Variants in RECK observed in about 807,000 individuals in gnomAD.
RECK encodes reversion inducing cysteine rich protein with kazal motifs, also known as reversion-inducing cysteine-rich protein with Kazal motifs.
RECK carries 69 observed loss-of-function variants against 115.1 expected under a neutral mutation model. That is an observed-to-expected ratio of 0.60 (90% CI 0.49 to 0.73). The LOEUF (loss-of-function observed/expected upper bound fraction) is 0.73, where lower values mean the gene tolerates loss of function less well. Among genes scored for constraint, RECK ranks in the 30% least tolerant of loss-of-function variants. The pLI, the probability that RECK is intolerant of heterozygous loss-of-function variation, is 0.00. For missense variants in RECK, 1,047 were observed against 1,203.7 expected (o/e 0.87, Z 1.93); for synonymous variants, 414 against 419.7 (o/e 0.99, Z 0.17).
At chr9:36,046,986 A>G (rs1821092040) in intron 1 of RECK, among the ~76,000 whole-genome samples, 1 of 152,162 alleles carries the variant, frequency 6.6e-6, no homozygotes, top group Admixed American at 6.5e-5. Context: ...TGCTCCAAGA[A>G]ATTGTTTTTC....
chr9:36,046,557 A>T (rs1034861425), intron 1 of RECK, among the ~76,000 whole-genome samples: 14 of 152,236 alleles, frequency 9.2e-5, no homozygotes, highest in African/African-American at 3.1e-4. Context: ...CTGTTCGTGG[A>T]GAGTGGCAAT....
rs188334815 is a variant in RECK, at chr9:36,054,117, C to T, written c.159+1794C>T. On this transcript the variant is annotated intron_variant, in intron 2 of 20. Coordinates refer to ENST00000377966, the MANE Select transcript of RECK (RefSeq NM_021111.3). Reference sequence around the variant, plus strand: ...GAGAGAGACCAGGGCTGTTAAAACTCGTAGAGCTCACTTCAAAGAGAAGGA... The same window carrying T: ...GAGAGAGACCAGGGCTGTTAAAACTTGTAGAGCTCACTTCAAAGAGAAGGA... Among the ~76,000 whole-genome samples the T allele has an allele frequency of 3.3e-5, 5 of 152,218 alleles. No homozygotes were observed. In the East Asian group the frequency reaches 9.6e-4, roughly 29 times the overall value.
intron 8 of RECK, among the ~76,000 whole-genome samples, chr9:36,087,001 T>C (rs1011556442): frequency 6.6e-6 from 1 of 152,122 alleles, no homozygotes; most frequent in African/African-American, 2.4e-5. Flanking sequence ...AGTGGTGAAT[T>C]CTGGTAATAG....
chr9:36,091,104 C>A, intron 9 of RECK, 60 bp from the exon 10 acceptor site: 2 of 1,513,176 alleles, frequency 1.3e-6, no homozygotes, highest in Non-Finnish European at 1.8e-6. Flanking sequence ...TAGTTTTATG[C>A]AAATCAAATA....
rs1824538225 is a variant in RECK, at chr9:36,123,531, A to G, written c.*486A>G. The G allele has an allele frequency of 6.5e-6, 1 of 152,718 alleles. No individual in the cohort carries two copies. The highest frequency in any genetic ancestry group is 1.5e-5 in the Non-Finnish European group (1 of 68,402). 9.5% of individuals were successfully genotyped at this position (152,718 alleles called of 1,614,324 possible). A position where few individuals can be genotyped will look rare whatever the true frequency, so the allele number is the denominator to read the frequency against. On this transcript the variant is annotated 3_prime_UTR_variant, in exon 21 of 21. Transcript: ENST00000377966. ...TGAAGAGCCACTGCCATTAAAGAAT[A>G]TGAAACATAGATAAAACATCTTTGA...
intron 1 of RECK, among the ~76,000 whole-genome samples, chr9:36,039,786 A>G (rs894780717): frequency 6.6e-6 from 1 of 152,252 alleles, no homozygotes; most frequent in Non-Finnish European, 1.5e-5. Context: ...TTTAAGTTAG[A>G]AAAAGCAAAC....
intron 6 of RECK, among the ~76,000 whole-genome samples, chr9:36,071,304 A>G (rs889711619): frequency 3.3e-5 from 5 of 152,230 alleles, no homozygotes; most frequent in Admixed American, 6.5e-5. Flanking sequence ...GAATGTCACA[A>G]TAAGCTTCAT....
At chr9:36,055,536 G>A (rs1406259416) in intron 2 of RECK, among the ~76,000 whole-genome samples, 1 of 152,066 alleles carries the variant, frequency 6.6e-6, no homozygotes, top group African/African-American at 2.4e-5. Flanking sequence ...CTTGAAAAAG[G>A]TATTGTCATT....
chr9:36,112,159 G>A (rs1440861894), intron 15 of RECK, 146 bp from the exon 16 acceptor site: 7 of 555,772 alleles, frequency 1.3e-5, no homozygotes, highest in South Asian at 7.1e-5. Context: ...GTCAGAGATC[G>A]GAGAGAAGGT....
chr9:36,062,642 T>C (rs2132585716), intron 4 of RECK, among the ~76,000 whole-genome samples: 1 of 151,906 alleles, frequency 6.6e-6, no homozygotes, highest in Non-Finnish European at 1.5e-5. Context: ...CATGCCCAGC[T>C]AATTTTTGAA....
rs1823580835 is a variant in RECK, at chr9:36,101,980, A to G, written c.1299-114A>G. On this transcript the variant is annotated intron_variant, in intron 11 of 20. Transcript: ENST00000377966. Reference sequence around the variant, plus strand: ...CCTGTGACTCTTGTTCTCTTTTGAAACATGTTAAGTTATGAAAGCTTACTT... The same window carrying G: ...CCTGTGACTCTTGTTCTCTTTTGAAGCATGTTAAGTTATGAAAGCTTACTT... 4 of 1,003,768 alleles carry G rather than the reference A, an allele frequency of 4.0e-6. No homozygotes were observed. In the South Asian group the frequency reaches 5.1e-5, roughly 13 times the overall value. 62.2% of individuals were successfully genotyped at this position (1,003,768 alleles called of 1,614,324 possible).
intron 8 of RECK, among the ~76,000 whole-genome samples, chr9:36,086,591 C>T (rs927591649): frequency 1.3e-5 from 2 of 152,172 alleles, no homozygotes; most frequent in East Asian, 1.9e-4. Flanking sequence ...ACTGCTGGCT[C>T]GGGTGGCCAG....
chr9:36,071,987 G>T lies in RECK; in HGVS notation c.405+6363G>T, dbSNP rs560679434. ...GAATTATGTTTCCCACAGCCATCCA[G>T]TTCCTAAAGTTACTAGAGATATTTG... On this transcript the variant is annotated intron_variant, in intron 6 of 20. Transcript: ENST00000377966. 2.0e-5 allele frequency among the ~76,000 whole-genome samples: 3 copies of T among 152,142 alleles called. No homozygotes were observed. In the South Asian group the frequency reaches 6.2e-4, roughly 31 times the overall value.
chr9:36,040,144 G>A (rs1820821065), intron 1 of RECK, among the ~76,000 whole-genome samples: 1 of 152,192 alleles, frequency 6.6e-6, no homozygotes, highest in Admixed American at 6.6e-5. Context: ...GTGCAGAGCT[G>A]CTGCTCCAAG....
chr9:36,087,560 C>T, intron 8 of RECK, 134 bp from the exon 9 acceptor site: 2 of 848,472 alleles, frequency 2.4e-6, no homozygotes, highest in Non-Finnish European at 3.5e-6. Context: ...TTGATGGGTT[C>T]AGCAAACCAC....
intron 8 of RECK, chr9:36,085,092 A>G (rs2132628867): frequency 6.2e-6 from 1 of 161,644 alleles, no homozygotes; most frequent in African/African-American, 2.4e-5. Context: ...TAAGCAAAAA[A>G]AAAGTAAATC....
At chr9:36,066,930 T>C in intron 6 of RECK, 3 of 1,118,616 alleles carry the variant, frequency 2.7e-6, no homozygotes, top group South Asian at 2.6e-5. Flanking sequence ...TTTCCCAGTC[T>C]ATCTTCCCTA....
chr9:36,053,277 G>A (rs1201903721), intron 2 of RECK, among the ~76,000 whole-genome samples: 1 of 152,064 alleles, frequency 6.6e-6, no homozygotes, highest in Non-Finnish European at 1.5e-5. Context: ...TTTCTTTCAG[G>A]CTTGGTCATG....
At position 36,091,291 on chromosome 9, in the gene RECK, C is replaced by G; in HGVS notation, c.1033C>G (p.Pro345Ala). 1 of 1,605,826 alleles carries G rather than the reference C, an allele frequency of 6.2e-7. No individual in the cohort carries two copies. Among genetic ancestry groups the G allele is most frequent in the Non-Finnish European group, 8.5e-7 (1 of 1,177,014 alleles). The part of the protein sequence containing the change: ...MLTCLADVRE[P>A]CQLGCRNLTY... ...GACCTGTTTAGCGGATGTCCGGGAA[C>G]CTTGCCAGTTGGGCTGTAGAAACCT... Residue 345 changes from proline (P) to alanine (A), a missense_variant, in exon 10 of 21, where the codon CCT becomes GCT. Pro to Ala is a conservative substitution (Grantham distance 27). Transcript: ENST00000377966.
Sources: gnomAD v4.1 joint callset for allele counts (sites outside exome capture counted in the v4.1 genomes callset) on GRCh38, gnomAD v4.1.1 for gene constraint, MANE v1.5 for transcripts, NCBI Gene and HGNC (gene_info 2026-07-23, HGNC 2026-07-21) for gene names.